Variants in RALGPS2 observed in about 807,000 individuals in gnomAD.
RALGPS2 encodes the protein Ral GEF with PH domain and SH3 binding motif 2.
In RALGPS2, 43 loss-of-function variants were observed where a neutral mutation model predicts 86.8. That is an observed-to-expected ratio of 0.50 (90% CI 0.39 to 0.64). RALGPS2 has a LOEUF of 0.64. Ranked by LOEUF, RALGPS2 falls within the 30% of genes least tolerant of loss-of-function variation. The pLI, the probability that RALGPS2 is intolerant of heterozygous loss-of-function variation, is 0.00. For missense variants in RALGPS2, 536 were observed against 694.6 expected (o/e 0.77, Z 2.57); for synonymous variants, 243 against 231.3 (o/e 1.05, Z -0.46).
chr1:178,749,107 C>T (rs1651507304), intron 1 of RALGPS2, among the ~76,000 whole-genome samples: 1 of 152,196 alleles, frequency 6.6e-6, no homozygotes, highest in South Asian at 2.1e-4. Context: ...ACACCACCAA[C>T]AACCCATTTA....
chr1:178,844,559 C>T (rs1433190507), intron 8 of RALGPS2, among the ~76,000 whole-genome samples: 1 of 152,058 alleles, frequency 6.6e-6, no homozygotes, highest in African/African-American at 2.4e-5. Flanking sequence ...TGGACAATAT[C>T]GTGAAAAATT....
chr1:178,746,898 T>A, intron 1 of RALGPS2: 2 of 1,125,930 alleles, frequency 1.8e-6, no homozygotes, highest in Non-Finnish European at 2.7e-6. Context: ...AGACCTATTC[T>A]GTTCCTATTG....
intron 1 of RALGPS2, among the ~76,000 whole-genome samples, chr1:178,768,551 C>CCA (rs1434777420): frequency 6.6e-6 from 1 of 152,164 alleles, no homozygotes; most frequent in Non-Finnish European, 1.5e-5. Flanking sequence ...CTAGCTGTGG[C>CCA]CAAAGTGGCT....
At chr1:178,809,961 G>C (rs1337119866) in intron 5 of RALGPS2, among the ~76,000 whole-genome samples, 2 of 152,106 alleles carry the variant, frequency 1.3e-5, no homozygotes, top group African/African-American at 4.8e-5. Flanking sequence ...CACAGCATTT[G>C]TCTAAGCCAG....
At chr1:178,852,800 C>T in intron 8 of RALGPS2, 1 of 1,613,924 alleles carries the variant, frequency 6.2e-7, no homozygotes, top group Non-Finnish European at 8.5e-7. Context: ...AATTCACTTT[C>T]AGGTTCCAGA....
rs776989599 is a variant in RALGPS2, at chr1:178,811,187, A to G, written c.298-128A>G. On this transcript the variant is annotated intron_variant, in intron 5 of 19. Coordinates refer to ENST00000367635, the MANE Select transcript of RALGPS2 (RefSeq NM_152663.5). ...TTACACAGCCACAGAAAAACCTGCT[A>G]TAAGTAGCACCTTTAACAATGTTTA... 4 of 573,032 alleles carry G rather than the reference A, an allele frequency of 7.0e-6. No homozygotes were observed. The Admixed American group carries it at 1.1e-4, about 16-fold the overall frequency. The allele number at this position is 573,032 out of a possible 1,614,324, so 35.5% of individuals were successfully genotyped here. A position where few individuals can be genotyped will look rare whatever the true frequency, so the allele number is the denominator to read the frequency against.
intron 8 of RALGPS2, among the ~76,000 whole-genome samples, chr1:178,868,824 A>AT (rs914386868): frequency 1.5e-4 from 22 of 151,472 alleles, no homozygotes; most frequent in East Asian, 7.7e-4. Flanking sequence ...AATAAATATA[A>AT]TTTTTTTTTA....
chr1:178,749,418 G>A (rs375316611), intron 1 of RALGPS2, among the ~76,000 whole-genome samples: 4 of 152,112 alleles, frequency 2.6e-5, no homozygotes, highest in Non-Finnish European at 5.9e-5. Flanking sequence ...CCCAGGAGGC[G>A]GAGGTTGCAG....
At chr1:178,847,119 A>G (rs201224757) in intron 8 of RALGPS2, among the ~76,000 whole-genome samples, 3 of 152,208 alleles carry the variant, frequency 2.0e-5, no homozygotes, top group African/African-American at 4.8e-5. Context: ...TATGTGTACA[A>G]TTATAACTTG....
intron 8 of RALGPS2, chr1:178,850,674 A>G (rs756616927): frequency 1.3e-5 from 2 of 152,460 alleles, no homozygotes; most frequent in Non-Finnish European, 2.9e-5. Flanking sequence ...TCTATTGGCA[A>G]AACTAGAGGT....
intron 2 of RALGPS2, among the ~76,000 whole-genome samples, chr1:178,780,091 T>C (rs1653316375): frequency 6.6e-6 from 1 of 152,176 alleles, no homozygotes; most frequent in Admixed American, 6.5e-5. Context: ...AGAGAGAATC[T>C]GCTAGCAAGA....
At chr1:178,906,387 AT>A (rs540952082) in intron 18 of RALGPS2, among the ~76,000 whole-genome samples, 80 of 152,252 alleles carry the variant, frequency 5.3e-4, no homozygotes, top group African/African-American at 1.8e-3. Context: ...AAAAAAAAAA[AT>A]CTAATATTTA....
chr1:178,835,273 C>G (rs1307333027), intron 8 of RALGPS2, among the ~76,000 whole-genome samples: 1 of 152,094 alleles, frequency 6.6e-6, no homozygotes, highest in African/African-American at 2.4e-5. Flanking sequence ...CCTTATTTTT[C>G]AAGTCATTGA....
intron 1 of RALGPS2, among the ~76,000 whole-genome samples, chr1:178,758,364 C>T (rs1211778591): frequency 6.6e-6 from 1 of 152,000 alleles, no homozygotes; most frequent in Non-Finnish European, 1.5e-5. Context: ...ATGGGTTATT[C>T]ATCCCCTCAA....
intron 8 of RALGPS2, among the ~76,000 whole-genome samples, chr1:178,861,498 G>A (rs1658010991): frequency 6.6e-6 from 1 of 151,666 alleles, no homozygotes; most frequent in South Asian, 2.1e-4. Context: ...CATAGAATTG[G>A]TATGTTTCAT....
At chr1:178,873,436 A>G (rs1395005890) in intron 8 of RALGPS2, among the ~76,000 whole-genome samples, 1 of 152,250 alleles carries the variant, frequency 6.6e-6, no homozygotes, top group Non-Finnish European at 1.5e-5. Context: ...AAGATTGGCA[A>G]AATTGAGATG....
intron 12 of RALGPS2, 168 bp downstream of exon 12, chr1:178,885,379 T>A: frequency 1.6e-6 from 1 of 636,718 alleles, no homozygotes. Flanking sequence ...CTTTTATTTC[T>A]TACTTTACCT....
At chr1:178,763,746 T>A (rs571412964) in intron 1 of RALGPS2, among the ~76,000 whole-genome samples, 3 of 152,324 alleles carry the variant, frequency 2.0e-5, no homozygotes, top group African/African-American at 7.2e-5. Context: ...ATTTCATTAT[T>A]TACCCAGAAA....
intron 1 of RALGPS2, among the ~76,000 whole-genome samples, chr1:178,736,822 C>T (rs1038471331): frequency 1.3e-5 from 2 of 151,846 alleles, no homozygotes; most frequent in East Asian, 1.9e-4. Context: ...AATTGGAGTC[C>T]GGGAGGTCAA....
Sources: gnomAD v4.1 joint callset for allele counts (sites outside exome capture counted in the v4.1 genomes callset) on GRCh38, gnomAD v4.1.1 for gene constraint, MANE v1.5 for transcripts, NCBI Gene and HGNC (gene_info 2026-07-23, HGNC 2026-07-21) for gene names.